Variants in ITPA observed in about 807,000 individuals in gnomAD.
The protein encoded by ITPA is inosine triphosphatase.
ITPA carries 29 observed loss-of-function variants against 29.6 expected under a neutral mutation model. The observed-to-expected ratio is 0.98, with a 90% confidence interval of 0.73 to 1.34. The LOEUF (loss-of-function observed/expected upper bound fraction) is 1.34. ITPA is among the 40% of genes most tolerant of loss of function. ITPA has a pLI of 0.00. For missense variants in ITPA, 241 were observed against 251.5 expected (o/e 0.96, Z 0.28); for synonymous variants, 103 against 99.3 (o/e 1.04, Z -0.22).
intron 7 of ITPA, among the ~76,000 whole-genome samples, chr20:3,222,719 G>A (rs1429518537): frequency 6.6e-6 from 1 of 152,190 alleles, no homozygotes; most frequent in African/African-American, 2.4e-5. Context: ...GGAGCGCAGT[G>A]TGAGGCCCCA....
intron 5 of ITPA, among the ~76,000 whole-genome samples, chr20:3,217,977 G>A (rs982641505): frequency 7.3e-5 from 11 of 150,942 alleles, no homozygotes; most frequent in African/African-American, 2.7e-4. Context: ...GAGTGCAGTG[G>A]CCCGATCTCG....
intron 1 of ITPA, among the ~76,000 whole-genome samples, chr20:3,212,896 T>C (rs2067205288): frequency 6.6e-6 from 1 of 151,996 alleles, no homozygotes; most frequent in African/African-American, 2.4e-5. Flanking sequence ...ATGGCTAGGG[T>C]TTCTGGGAGC....
Position 3,209,828 on chromosome 20 carries a change from C to T in ITPA, c.66+211C>T, listed in dbSNP as rs2067130905. ...GGGCGCCCCGGGGTTGGCGAGGGAA[C>T]GAGGGTCTCGACAGATCCCGACACA... On this transcript the variant is annotated intron_variant, in intron 1 of 7. Transcript: ENST00000380113. This position sits in a 1 kb window ranked among gnomAD's most constrained non-coding sequence, Gnocchi z 4.6. Among the ~76,000 whole-genome samples the T allele has an allele frequency of 6.6e-6, 1 of 152,140 alleles. No individual in the cohort carries two copies. Among genetic ancestry groups the T allele is most frequent in the African/African-American group, 2.4e-5 (1 of 41,424 alleles).
In ITPA at chr20:3,223,438, G is replaced by C. The variant is rs9101; in HGVS notation, c.561G>C (p.Glu187Asp). 6.2e-7 allele frequency: 1 copy of C among 1,612,120 alleles called. No homozygotes were observed. Among genetic ancestry groups the C allele is most frequent in the Non-Finnish European group, 8.5e-7 (1 of 1,178,968 alleles). ...TCCGGGCCCTGCTGGAGCTGCAGGA[G>C]TACTTTGGCAGTTTGGCAGCTTGAC... ...HRFRALLELQ[E>D]YFGSLAA The change falls in exon 8 of 8, where the codon GAG becomes GAC. Residue 187 changes from glutamate to aspartate, a missense_variant. Physicochemically the swap from Glu to Asp is conservative, Grantham distance 45. Transcript: ENST00000380113.
chr20:3,224,822 T>C (rs1263002385), downstream of ITPA, among the ~76,000 whole-genome samples: 1 of 152,182 alleles, frequency 6.6e-6, no homozygotes, highest in African/African-American at 2.4e-5. Flanking sequence ...TCTCTGTGTT[T>C]CCTGTTCAGC....
rs1461642421 is a variant in ITPA, at chr20:3,213,311, C to CTGAT, written c.125-7_125-4dup. 6.2e-7 allele frequency: 1 copy of CTGAT among 1,613,980 alleles called. No individual in the cohort carries two copies. The highest frequency in any genetic ancestry group is 1.3e-5 in the African/African-American group (1 of 74,918). On this transcript the variant is annotated splice_polypyrimidine_tract_variant and splice_region_variant and intron_variant, in intron 2 of 7. Transcript: ENST00000380113. ...CCTGACTTTCTGTGTGTCTGTTTCCCTGATAAGTGCCGGAGTACCAGGGGG... is the reference window on the plus strand; with the variant it reads ...CCTGACTTTCTGTGTGTCTGTTTCCCTGATTGATAAGTGCCGGAGTACCAGGGGG...
At chr20:3,204,539 G>A, upstream of ITPA, 1 of 1,560,424 alleles carries the variant, frequency 6.4e-7, no homozygotes, top group Non-Finnish European at 8.6e-7. Flanking sequence ...TCTCCTACCT[G>A]ATGCCGCCCG....
chr20:3,221,083 G>A (rs1286182882), intron 6 of ITPA, among the ~76,000 whole-genome samples: 2 of 151,890 alleles, frequency 1.3e-5, no homozygotes, highest in African/African-American at 2.4e-5. Context: ...ATGGGGTTTC[G>A]CCTTTGCCAC....
intron 6 of ITPA, among the ~76,000 whole-genome samples, chr20:3,221,588 C>T (rs935648424): frequency 5.9e-5 from 9 of 152,134 alleles, no homozygotes; most frequent in African/African-American, 1.2e-4. Flanking sequence ...CTGGCGAGGG[C>T]GCGTGGCCCC....
At chr20:3,205,884 G>T (rs1391535930), upstream of ITPA, among the ~76,000 whole-genome samples, 1 of 151,668 alleles carries the variant, frequency 6.6e-6, no homozygotes, top group Non-Finnish European at 1.5e-5. Context: ...ATGAAATCCT[G>T]TCTCTACTAA....
upstream of ITPA, among the ~76,000 whole-genome samples, chr20:3,208,215 C>T (rs1185972538): frequency 6.6e-6 from 1 of 151,968 alleles, no homozygotes; most frequent in African/African-American, 2.4e-5. Flanking sequence ...GTAAGGTGGG[C>T]TGTTTTTCTT....
chr20:3,215,815 A>C (rs1390252406), intron 5 of ITPA, among the ~76,000 whole-genome samples: 1 of 151,834 alleles, frequency 6.6e-6, no homozygotes, highest in Non-Finnish European at 1.5e-5. Context: ...CCTTCCAAGT[A>C]GCTGGGATTA....
downstream of ITPA, among the ~76,000 whole-genome samples, chr20:3,226,782 C>T (rs2067558529): frequency 6.6e-6 from 1 of 152,186 alleles, no homozygotes; most frequent in South Asian, 2.1e-4. This position sits in a 1 kb window ranked among gnomAD's most constrained non-coding sequence, Gnocchi z 4.4. Flanking sequence ...TTCCTGCTGA[C>T]CACTGATGCT....
At chr20:3,215,191 C>A in intron 4 of ITPA, 90 bp from the exon 5 acceptor site, 1 of 1,336,984 alleles carries the variant, frequency 7.5e-7, no homozygotes, top group Non-Finnish European at 1.1e-6. Flanking sequence ...TTTTCATTTC[C>A]CCTTGGCTGT....
chr20:3,219,827 G>A (rs1415002871), intron 6 of ITPA, among the ~76,000 whole-genome samples: 1 of 151,500 alleles, frequency 6.6e-6, no homozygotes, highest in East Asian at 1.9e-4. Flanking sequence ...CAGGAGGATT[G>A]CTTGAGGCCA....
intron 6 of ITPA, among the ~76,000 whole-genome samples, chr20:3,220,145 C>T (rs139843432): frequency 6.6e-6 from 1 of 152,182 alleles, no homozygotes; most frequent in East Asian, 1.9e-4. Context: ...CTCACGACAG[C>T]CTCCACCTCC....
At chr20:3,225,860 C>T (rs1163570301), downstream of ITPA, among the ~76,000 whole-genome samples, 1 of 152,172 alleles carries the variant, frequency 6.6e-6, no homozygotes, top group African/African-American at 2.4e-5. Flanking sequence ...GAAACCCCGT[C>T]TCTACTAAAA....
At chr20:3,204,903 T>G (rs1160942867), upstream of ITPA, among the ~76,000 whole-genome samples, 7 of 151,396 alleles carry the variant, frequency 4.6e-5, no homozygotes, top group African/African-American at 1.7e-4. Context: ...CAGGCTGGAG[T>G]GCGGTGGTGC....
intron 7 of ITPA, among the ~76,000 whole-genome samples, 174 bp from the exon 8 acceptor site, chr20:3,223,192 A>G (rs903305025): frequency 2.0e-5 from 3 of 152,156 alleles, no homozygotes; most frequent in Admixed American, 1.3e-4. Flanking sequence ...AGGGGAATTG[A>G]AAACTTTATC....
Sources: allele counts gnomAD v4.1 joint callset (sites outside exome capture counted in the v4.1 genomes callset), GRCh38; gene constraint gnomAD v4.1.1; non-coding constraint Gnocchi (gnomAD v3.1); transcripts MANE v1.5; gene names NCBI Gene and HGNC (gene_info 2026-07-23, HGNC 2026-07-21).